Variants in VTI1B observed in about 807,000 individuals in gnomAD.
VTI1B encodes the protein vesicle transport through interaction with t-SNAREs 1B, also known as vesicle transport through interaction with t-SNAREs homolog 1B.
Under a neutral mutation model 28.6 loss-of-function variants are expected in VTI1B, and 18 were observed. The ratio of observed to expected loss-of-function variants is 0.63; its 90% CI spans 0.43 to 0.93. The LOEUF is 0.93. VTI1B is among the 40% of genes least tolerant of loss of function. The probability of loss-of-function intolerance (pLI) is 0.00; values close to 1 mark genes in which losing one functional copy is unlikely to be tolerated. For missense variants in VTI1B, 283 were observed against 297.0 expected, an observed-to-expected ratio of 0.95 and a Z score of 0.35; for synonymous variants, 100 against 107.9, an observed-to-expected ratio of 0.93 and a Z score of 0.46.
In VTI1B at chr14:67,674,610, G is replaced by A. The variant is rs2037511750; in HGVS notation, c.-121C>T. ...GCGACCGCCGCACCACCGCCGCCCA[G>A]GACGAGGCTCTTCCGGAGCCGCGGC... On this transcript the variant is annotated 5_prime_UTR_variant, in exon 1 of 6. Coordinates refer to ENST00000554659, the MANE Select transcript of VTI1B (RefSeq NM_006370.3). 1.2e-5 allele frequency: 9 copies of A among 721,740 alleles called. No homozygotes were observed. Among genetic ancestry groups the A allele is most frequent in the Admixed American group, 3.7e-5 (1 of 27,278 alleles). 44.7% of individuals were successfully genotyped at this position (721,740 alleles called of 1,614,324 possible). A position where few individuals can be genotyped will look rare whatever the true frequency, so the allele number is the denominator to read the frequency against.
intron 1 of VTI1B, among the ~76,000 whole-genome samples, chr14:67,668,647 T>G: frequency 7.4e-6 from 1 of 135,670 alleles, no homozygotes; most frequent in South Asian, 2.3e-4. Context: ...GTTCTGGTAC[T>G]TAGGAAACAC....
At chr14:67,657,624 C>CACACA (rs1566812567) in intron 3 of VTI1B, among the ~76,000 whole-genome samples, 15,487 of 143,066 alleles carry the variant, frequency 0.11, 788 homozygotes, top group Admixed American at 0.13. Context: ...ACACACACAC[C>CACACA]CAAAATCAAA....
intron 5 of VTI1B, chr14:67,651,686 C>A: frequency 9.5e-6 from 4 of 420,960 alleles, no homozygotes; most frequent in East Asian, 4.5e-5. Context: ...TAAACTGAGA[C>A]AATAAAAACC....
chr14:67,654,922 G>A (rs2037234548), intron 4 of VTI1B, among the ~76,000 whole-genome samples: 4 of 151,580 alleles, frequency 2.6e-5, no homozygotes, highest in South Asian at 2.1e-4. Context: ...CCAGCTACTC[G>A]GGAGGCCGAG....
rs1320808214 is a variant in VTI1B, at chr14:67,662,973, A to ACCACTT, written c.116-444_116-439dup. On this transcript the variant is annotated intron_variant, in intron 1 of 5. Coordinates refer to ENST00000554659, the MANE Select transcript of VTI1B (RefSeq NM_006370.3). ...AAACCCCTCACCACTCCCACAGTGA[A>ACCACTT]CCACTTCTATGTTAACTCGTACACT... The ACCACTT allele has an allele frequency of 4.2e-4, 571 of 1,361,048 alleles. 4 individuals are homozygous for ACCACTT. In the Middle Eastern group the frequency reaches 0.01, roughly 24 times the overall value. 84.3% of individuals were successfully genotyped at this position (1,361,048 alleles called of 1,614,324 possible). A position where few individuals can be genotyped will look rare whatever the true frequency, so the allele number is the denominator to read the frequency against.
In VTI1B at chr14:67,674,461, T is replaced by G. The variant is rs1358241503; in HGVS notation, c.29A>C (p.His10Pro). ...GAAGATCTCGTGCAGCTTCTCGAAA[T>G]GCTCCGAGGAGGCGGCGGAGGAGGC... MASSAASSEHFEKLHEIFRG... is the reference protein window; with the variant it reads MASSAASSEPFEKLHEIFRG... The change falls in exon 1 of 6, where the codon CAT becomes CCT. Residue 10 changes from histidine to proline, a missense_variant. Transcript: ENST00000554659. 13 of 1,608,338 alleles carry G rather than the reference T, an allele frequency of 8.1e-6. No homozygotes were observed. The highest frequency in any genetic ancestry group is 1.1e-5 in the Non-Finnish European group (13 of 1,178,520).
At chr14:67,661,530 T>A (rs901240578) in intron 2 of VTI1B, among the ~76,000 whole-genome samples, 2 of 68,032 alleles carry the variant, frequency 2.9e-5, no homozygotes, top group Non-Finnish European at 5.1e-5. Context: ...AACAGTAACC[T>A]TTTTTTTTTT....
Position 67,659,795 on chromosome 14 carries a change from G to A in VTI1B, c.302C>T (p.Thr101Ile), listed in dbSNP as rs371302105. 5.6e-6 allele frequency: 9 copies of A among 1,613,980 alleles called. No homozygotes were observed. The highest frequency in any genetic ancestry group is 4.0e-5 in the African/African-American group (3 of 74,910). ...LHREVRSTPL[T>I]ATPGGRGDMK... ...GTCTCCTCGGCCTCCAGGTGTGGCT[G>A]TCAAAGGTGTGCTTCTCACCTCCCG... is the stretch of plus-strand genomic sequence containing the variant. Residue 101 changes from threonine to isoleucine, a missense_variant, in exon 3 of 6, where the codon ACA (threonine) becomes ATA (isoleucine). Coordinates refer to ENST00000554659, the MANE Select transcript of VTI1B (RefSeq NM_006370.3).
At chr14:67,651,810 C>T (rs1295563569) in intron 5 of VTI1B, 3 of 257,450 alleles carry the variant, frequency 1.2e-5, no homozygotes, top group Non-Finnish European at 2.3e-5. Flanking sequence ...ACATCCAGCT[C>T]AGGATGGGTC....
intron 1 of VTI1B, among the ~76,000 whole-genome samples, chr14:67,667,341 A>G (rs1382464264): frequency 2.6e-5 from 4 of 152,152 alleles, no homozygotes; most frequent in African/African-American, 9.7e-5. Flanking sequence ...TTGGTGCCTC[A>G]CTGTGGCAAA....
chr14:67,674,408 C>G lies in VTI1B; in HGVS notation c.82G>C (p.Val28Leu). The change falls in exon 1 of 6, where the codon GTG becomes CTG. Residue 28 changes from valine to leucine, a missense_variant. Physicochemically the swap from Val to Leu is conservative, Grantham distance 32. Coordinates refer to ENST00000554659, the MANE Select transcript of VTI1B (RefSeq NM_006370.3). ...GCCGTCCCCAGCAGCCGCTCGGGCACCCCTTGTAGGTCTTCATGGAGGCCG... is the reference window on the plus strand; with the variant it reads ...GCCGTCCCCAGCAGCCGCTCGGGCAGCCCTTGTAGGTCTTCATGGAGGCCG... The part of the protein sequence containing the change: ...FRGLHEDLQG[V>L]PERLLGTAGT... 1 of 1,605,780 alleles carries G rather than the reference C, an allele frequency of 6.2e-7. No homozygotes were observed. The highest frequency in any genetic ancestry group is 8.5e-7 in the Non-Finnish European group (1 of 1,177,370).
rs1180752559 is a variant in VTI1B at position 67,649,487 on chromosome 14, G to T, written c.*1898C>A. The T allele has an allele frequency of 6.6e-6, 1 of 152,072 alleles. No homozygotes were observed. The highest frequency in any genetic ancestry group is 1.5e-5 in the Non-Finnish European group (1 of 68,028). The allele number at this position is 152,072 out of a possible 1,614,324, so 9.4% of individuals were successfully genotyped here. A position where few individuals can be genotyped will look rare whatever the true frequency, so the allele number is the denominator to read the frequency against. Reference sequence around the variant, plus strand: ...AGCAGTTTGCTTAATTTATAGGGTGGCAATAGTCTGGAAACATAAGTCATG... The same window carrying T: ...AGCAGTTTGCTTAATTTATAGGGTGTCAATAGTCTGGAAACATAAGTCATG... On this transcript the variant is annotated 3_prime_UTR_variant, in exon 6 of 6. Coordinates refer to ENST00000554659, the MANE Select transcript of VTI1B (RefSeq NM_006370.3).
At chr14:67,671,425 C>T (rs1385644285) in intron 1 of VTI1B, among the ~76,000 whole-genome samples, 1 of 152,016 alleles carries the variant, frequency 6.6e-6, no homozygotes, top group African/African-American at 2.4e-5. Context: ...ACTCGGAAGG[C>T]TGAGGCATGA....
intron 1 of VTI1B, among the ~76,000 whole-genome samples, chr14:67,673,576 A>G (rs2037496154): frequency 6.6e-6 from 1 of 152,220 alleles, no homozygotes; most frequent in Non-Finnish European, 1.5e-5. Context: ...CAGCCTCACA[A>G]TAAATATATA....
chr14:67,666,292 A>C (rs1294634540), intron 1 of VTI1B, among the ~76,000 whole-genome samples: 1 of 152,218 alleles, frequency 6.6e-6, no homozygotes, highest in Non-Finnish European at 1.5e-5. Flanking sequence ...CAAATTCTAG[A>C]ATGATTCCAG....
intron 5 of VTI1B, among the ~76,000 whole-genome samples, chr14:67,652,933 G>A (rs1446045779): frequency 6.6e-6 from 1 of 151,942 alleles, no homozygotes; most frequent in Non-Finnish European, 1.5e-5. Context: ...TGGGATTACA[G>A]TGCCCGCCAC....
At chr14:67,657,540 C>G in intron 3 of VTI1B, among the ~76,000 whole-genome samples, 1 of 152,080 alleles carries the variant, frequency 6.6e-6, no homozygotes, top group Non-Finnish European at 1.5e-5. Flanking sequence ...AATTAACAAC[C>G]ACTGACAGAA....
At chr14:67,659,965 C>A in intron 2 of VTI1B, 43 bp from the exon 3 acceptor site, 1 of 1,578,880 alleles carries the variant, frequency 6.3e-7, no homozygotes, top group South Asian at 1.2e-5. Context: ...TGGTTCTTCC[C>A]TCACTCATTT....
chr14:67,662,715 C>G (rs2037353037), intron 1 of VTI1B, among the ~76,000 whole-genome samples, 180 bp from the exon 2 acceptor site: 1 of 152,068 alleles, frequency 6.6e-6, no homozygotes, highest in East Asian at 1.9e-4. Context: ...ACCACCCTGG[C>G]CAACCTGGTG....
Sources: allele counts gnomAD v4.1 joint callset (sites outside exome capture counted in the v4.1 genomes callset), GRCh38; gene constraint gnomAD v4.1.1; transcripts MANE v1.5; gene names NCBI Gene and HGNC (gene_info 2026-07-23, HGNC 2026-07-21).